POLR3E: variants seen among roughly 807,000 people sequenced by gnomAD.
POLR3E encodes the protein DNA-directed RNA polymerase III subunit RPC5.
A neutral mutation model predicts 96.6 loss-of-function variants in POLR3E; 41 were observed. That is an observed-to-expected ratio of 0.42 (90% CI 0.33 to 0.55). The LOEUF is 0.55. Ranked by LOEUF, POLR3E falls within the 20% of genes least tolerant of loss-of-function variation. The pLI, the probability that POLR3E is intolerant of heterozygous loss-of-function variation, is 0.06. For synonymous variants in POLR3E, 396 were observed against 383.6 expected (o/e 1.03, Z -0.38); for missense variants, 849 against 952.1 (o/e 0.89, Z 1.43).
At chr16:22,316,562 C>G (rs368136039) in intron 9 of POLR3E, 39 bp from the exon 10 acceptor site, 97 of 1,533,736 alleles carry the variant, frequency 6.3e-5, no homozygotes, top group Non-Finnish European at 1.3e-5. Flanking sequence ...CCAGGGCCAT[C>G]AGCTGAGGCT....
rs530923319 is a variant in POLR3E, at chr16:22,305,315, T to C, written c.87+109T>C. ...GGGAAACCTCAGCTAGGGTTCTCGG[T>C]GTGGAGAGTGTCATGGGGTCTCTTT... On this transcript the variant is annotated intron_variant, in intron 3 of 20. Coordinates refer to ENST00000299853, the MANE Select transcript of POLR3E (RefSeq NM_018119.4). 14 of 817,828 alleles carry C rather than the reference T, an allele frequency of 1.7e-5. No individual in the cohort carries two copies. The East Asian group carries it at 3.1e-4, about 18-fold the overall frequency. 50.7% of individuals were successfully genotyped at this position (817,828 alleles called of 1,614,324 possible). A position where few individuals can be genotyped will look rare whatever the true frequency, so the allele number is the denominator to read the frequency against.
At position 22,322,699 on chromosome 16, in the gene POLR3E, A is replaced by C. The variant is rs2048494401; in HGVS notation, c.987-151A>C. ...GTGCTTCTTTCCCATGTCTGTGTTC[A>C]CAGATGTGGCTCCTAAGGGGAGGTC... On this transcript the variant is annotated intron_variant, in intron 13 of 20. Transcript: ENST00000299853. The surrounding 1 kb of genome is among the most constrained non-coding windows in gnomAD (Gnocchi z 5.2). 1 of 600,250 alleles carries C rather than the reference A, an allele frequency of 1.7e-6. No individual in the cohort carries two copies. The highest frequency in any genetic ancestry group is 1.9e-5 in the African/African-American group (1 of 54,018). The allele number at this position is 600,250 out of a possible 1,614,324, so 37.2% of individuals were successfully genotyped here.
chr16:22,316,892 G>T (rs1403585263), intron 10 of POLR3E, 103 bp from the exon 11 acceptor site: 3 of 1,267,610 alleles, frequency 2.4e-6, no homozygotes, highest in Non-Finnish European at 3.5e-6. Flanking sequence ...GAGGGCGGGG[G>T]TGGGCTGTCT....
rs777281307 is a variant in POLR3E at position 22,308,180 on chromosome 16, T to C, written c.120T>C (p.Asp40=). 2 of 1,613,560 alleles carry C rather than the reference T, an allele frequency of 1.2e-6. No homozygotes were observed. The highest frequency in any genetic ancestry group is 1.7e-6 in the Non-Finnish European group (2 of 1,179,734). ...YPVRPASMTY[D]DIPHLSAKIK... is the part of the protein sequence containing the mutation. ...TGCGTCCAGCCTCGATGACCTACGA[T>C]GACATTCCGCACCTCTCAGCCAAGA... The change falls in exon 4 of 21, where the codon GAT becomes GAC. Residue 40 remains aspartate, a synonymous_variant. Transcript: ENST00000299853.
chr16:22,314,520 A>G (rs944416866), intron 8 of POLR3E, among the ~76,000 whole-genome samples: 1 of 152,154 alleles, frequency 6.6e-6, no homozygotes, highest in Admixed American at 6.5e-5. Context: ...AATTTTAAAG[A>G]TTTTTCAAAG....
At chr16:22,325,304 T>TA in intron 17 of POLR3E, 38 bp downstream of exon 17, 2 of 1,538,108 alleles carry the variant, frequency 1.3e-6, no homozygotes. Flanking sequence ...CCCCGGCTCC[T>TA]ACACTGTGGC....
At chr16:22,307,456 G>A (rs1052011731) in intron 3 of POLR3E, among the ~76,000 whole-genome samples, 3 of 152,228 alleles carry the variant, frequency 2.0e-5, no homozygotes, top group Non-Finnish European at 4.4e-5. Flanking sequence ...ACCAGGCAGA[G>A]CTTTTGAGGA....
At chr16:22,317,923 C>T (rs1425022154) in intron 12 of POLR3E, among the ~76,000 whole-genome samples, 1 of 151,850 alleles carries the variant, frequency 6.6e-6, no homozygotes, top group South Asian at 2.1e-4. Context: ...AGTGCCAGAA[C>T]CTTTAGGGTA....
chr16:22,328,809 G>A, intron 19 of POLR3E: 2 of 525,296 alleles, frequency 3.8e-6, no homozygotes, highest in Non-Finnish European at 6.9e-6. Flanking sequence ...CAGTCTGTGA[G>A]CCAGCTCCAT....
rs1479824955 is a variant in POLR3E, at chr16:22,315,070, C to T, written c.523-19C>T. 2 of 1,612,080 alleles carry T rather than the reference C, an allele frequency of 1.2e-6. No homozygotes were observed. Among genetic ancestry groups the T allele is most frequent in the Non-Finnish European group, 1.7e-6 (2 of 1,179,594 alleles). ...GGTCACAGGCCTGACGGTATGACCTCTTCCCCTTCCCACCGCAGGTGCGGT... is the reference window on the plus strand; with the variant it reads ...GGTCACAGGCCTGACGGTATGACCTTTTCCCCTTCCCACCGCAGGTGCGGT... On this transcript the variant is annotated intron_variant, in intron 8 of 20. Transcript: ENST00000299853.
intron 18 of POLR3E, 155 bp from the exon 19 acceptor site, chr16:22,328,355 G>A: frequency 1.5e-6 from 1 of 659,046 alleles, no homozygotes; most frequent in Non-Finnish European, 2.8e-6. Flanking sequence ...ACAGGTTTGT[G>A]GCTGCCCAAG....
intron 3 of POLR3E, among the ~76,000 whole-genome samples, chr16:22,306,967 C>T (rs1358953190): frequency 6.6e-6 from 1 of 152,232 alleles, no homozygotes; most frequent in South Asian, 2.1e-4. Context: ...GGGGTTCACC[C>T]TTATGGGCCG....
At chr16:22,299,805 T>G (rs1443230031) in intron 1 of POLR3E, among the ~76,000 whole-genome samples, 3 of 152,122 alleles carry the variant, frequency 2.0e-5, no homozygotes, top group Non-Finnish European at 4.4e-5. Context: ...CTCAAACTCC[T>G]GGGTTCAACC....
chr16:22,302,851 T>C, intron 1 of POLR3E, 80 bp from the exon 2 acceptor site: 1 of 951,632 alleles, frequency 1.1e-6, no homozygotes, highest in South Asian at 1.3e-5. Context: ...CCCCTCCCAG[T>C]GCAGGGCCTG....
intron 12 of POLR3E, 63 bp downstream of exon 12, chr16:22,317,269 C>G (rs1223272106): frequency 3.3e-6 from 4 of 1,225,914 alleles, no homozygotes; most frequent in Non-Finnish European, 3.6e-6. Flanking sequence ...GGAATGGACT[C>G]TGTGGGACAG....
rs1197305260 is a variant in POLR3E, at chr16:22,301,563, A to G, written c.-38-1368A>G. On this transcript the variant is annotated intron_variant, in intron 1 of 20. Transcript: ENST00000299853. ...GGCAGAGCACTTCAACCTGGGTGAC[A>G]GAGCAAGACATGTCTTAAAAATAAA... Among the ~76,000 whole-genome samples, 57 of 152,178 alleles carry G rather than the reference A, an allele frequency of 3.7e-4. 1 individual carries two copies. The highest frequency in any genetic ancestry group is 3.7e-3 in the Admixed American group (56 of 15,278).
intron 6 of POLR3E, among the ~76,000 whole-genome samples, chr16:22,312,261 G>T (rs907907205): frequency 2.0e-5 from 3 of 151,920 alleles, no homozygotes; most frequent in African/African-American, 7.3e-5. Context: ...TTTGGAGGCC[G>T]AAGTGGGCAG....
chr16:22,317,687 T>A (rs559561783), intron 12 of POLR3E, among the ~76,000 whole-genome samples: 65 of 151,972 alleles, frequency 4.3e-4, no homozygotes, highest in African/African-American at 1.3e-3. Context: ...AAGGTTTTTT[T>A]AAAGGTTTTA....
rs573880604 is a variant in POLR3E at position 22,320,568 on chromosome 16, TTTTAATTCTCTG to T, written c.986+1624_986+1635del. 8.6e-4 allele frequency among the ~76,000 whole-genome samples: 131 copies of T among 152,304 alleles called. 1 individual carries two copies. The highest frequency in any genetic ancestry group is 1.4e-3 in the Non-Finnish European group (96 of 68,014). On this transcript the variant is annotated intron_variant, in intron 13 of 20. Coordinates refer to ENST00000299853, the MANE Select transcript of POLR3E (RefSeq NM_018119.4). ...GAGCTACCGTGCCCGGCCTGGTGTATTTTAATTCTCTGTATGTTTTCAGCCCCATAAGACATT... is the reference window on the plus strand; with the variant it reads ...GAGCTACCGTGCCCGGCCTGGTGTATTATGTTTTCAGCCCCATAAGACATT...
Sources: gnomAD v4.1 joint callset for allele counts (sites outside exome capture counted in the v4.1 genomes callset) on GRCh38, gnomAD v4.1.1 for gene constraint, Gnocchi (gnomAD v3.1) non-coding constraint, MANE v1.5 for transcripts, NCBI Gene and HGNC (gene_info 2026-07-23, HGNC 2026-07-21) for gene names.